Variants in GRID2 observed in about 807,000 individuals in gnomAD.
GRID2 encodes glutamate ionotropic receptor delta type subunit 2.
GRID2 carries 33 observed loss-of-function variants against 114.8 expected under a neutral mutation model. That is an observed-to-expected ratio of 0.29 (90% CI 0.22 to 0.38). The LOEUF (loss-of-function observed/expected upper bound fraction) is 0.38, where lower values mean the gene tolerates loss of function less well. Ranked by LOEUF, GRID2 falls within the 10% of genes least tolerant of loss-of-function variation. GRID2 has a pLI of 1.00. For synonymous variants in GRID2, 505 were observed against 449.9 expected, an observed-to-expected ratio of 1.12 and a Z score of -1.55; for missense variants, 1,184 against 1,257.7, an observed-to-expected ratio of 0.94 and a Z score of 0.89.
intron 2 of GRID2, among the ~76,000 whole-genome samples, chr4:92,961,137 C>T (rs529833375): frequency 1.4e-3 from 218 of 151,860 alleles, no homozygotes; most frequent in African/African-American, 4.1e-3. Context: ...TTCACATATA[C>T]GTAAGCATAC....
chr4:92,355,817 T>A (rs1170453297), intron 1 of GRID2, among the ~76,000 whole-genome samples: 1 of 151,862 alleles, frequency 6.6e-6, no homozygotes, highest in East Asian at 1.9e-4. Context: ...ATATCAGGTA[T>A]GTGACACAGA....
intron 8 of GRID2, among the ~76,000 whole-genome samples, chr4:93,369,412 C>T (rs1240225635): frequency 6.6e-6 from 1 of 152,118 alleles, no homozygotes; most frequent in African/African-American, 2.4e-5. Context: ...CGTTTGTTTC[C>T]AAATTTTAGG....
intron 4 of GRID2, among the ~76,000 whole-genome samples, chr4:93,115,583 C>G (rs1220815739): frequency 1.3e-5 from 2 of 151,884 alleles, no homozygotes; most frequent in African/African-American, 2.4e-5. Flanking sequence ...ATGTATTAGT[C>G]CATTCTCATG....
chr4:93,564,690 T>C (rs1735245609), intron 13 of GRID2, among the ~76,000 whole-genome samples: 1 of 152,072 alleles, frequency 6.6e-6, no homozygotes, highest in Non-Finnish European at 1.5e-5. Context: ...CACAGTTGTC[T>C]GGTTTGAAAA....
intron 1 of GRID2, among the ~76,000 whole-genome samples, chr4:92,450,488 T>C (rs1720842574): frequency 1.3e-5 from 2 of 152,172 alleles, no homozygotes; most frequent in African/African-American, 4.8e-5. Context: ...TAGACCAGTG[T>C]AAGTTCATTG....
chr4:93,658,778 G>A (rs780814012), intron 14 of GRID2, among the ~76,000 whole-genome samples: 5 of 152,152 alleles, frequency 3.3e-5, no homozygotes, highest in Non-Finnish European at 7.3e-5. Flanking sequence ...GAGGGTAAGA[G>A]CAATTTTAGA....
chr4:92,835,441 A>G (rs779301310), intron 2 of GRID2, among the ~76,000 whole-genome samples: 68 of 152,154 alleles, frequency 4.5e-4, no homozygotes, highest in Non-Finnish European at 8.5e-4. Flanking sequence ...TTATCTGTCT[A>G]TCTAGTACAG....
intron 2 of GRID2, among the ~76,000 whole-genome samples, chr4:92,848,753 G>C (rs1389560914): frequency 6.6e-6 from 1 of 151,870 alleles, no homozygotes; most frequent in Admixed American, 6.6e-5. Context: ...TTAAAGAGGA[G>C]ATTAAGTTTA....
At chr4:93,371,722 A>G (rs948850052) in intron 8 of GRID2, among the ~76,000 whole-genome samples, 7 of 146,894 alleles carry the variant, frequency 4.8e-5, no homozygotes, top group African/African-American at 1.5e-4. Context: ...GTATATTGGT[A>G]TATACATAAT....
intron 2 of GRID2, among the ~76,000 whole-genome samples, chr4:92,728,837 C>A (rs957693285): frequency 6.6e-6 from 1 of 151,374 alleles, no homozygotes; most frequent in Non-Finnish European, 1.5e-5. Context: ...ATTTATGCCA[C>A]GTGAAGATGA....
intron 13 of GRID2, among the ~76,000 whole-genome samples, chr4:93,545,173 C>T (rs1733087697): frequency 6.6e-6 from 1 of 152,242 alleles, no homozygotes; most frequent in East Asian, 1.9e-4. Context: ...AGCCTAAATT[C>T]AGGTGCAGAG....
At chr4:93,598,131 C>G (rs1406092533) in intron 13 of GRID2, among the ~76,000 whole-genome samples, 1 of 152,158 alleles carries the variant, frequency 6.6e-6, no homozygotes, top group Non-Finnish European at 1.5e-5. Context: ...GAAACTTAAG[C>G]TCGTTGAAGT....
At chr4:92,706,853 C>T (rs578019914) in intron 2 of GRID2, among the ~76,000 whole-genome samples, 3 of 152,038 alleles carry the variant, frequency 2.0e-5, no homozygotes, top group Non-Finnish European at 4.4e-5. Flanking sequence ...TAAAATGATG[C>T]TTTATTTTGT....
At chr4:92,986,004 C>CA (rs1327439619) in intron 2 of GRID2, among the ~76,000 whole-genome samples, 1 of 152,024 alleles carries the variant, frequency 6.6e-6, no homozygotes, top group African/African-American at 2.4e-5. Flanking sequence ...GAGCAGTTTT[C>CA]AAAAAATGAA....
chr4:92,398,725 A>G (rs1318226438), intron 1 of GRID2, among the ~76,000 whole-genome samples: 1 of 152,228 alleles, frequency 6.6e-6, no homozygotes, highest in Non-Finnish European at 1.5e-5. Context: ...GGAAGTAAGA[A>G]TTGGGCAGAT....
chr4:93,494,877 A>G (rs573585039), intron 12 of GRID2, among the ~76,000 whole-genome samples: 1 of 151,940 alleles, frequency 6.6e-6, no homozygotes, highest in South Asian at 2.1e-4. Flanking sequence ...GAAGCTTTGA[A>G]GGTACTTCAG....
intron 8 of GRID2, among the ~76,000 whole-genome samples, chr4:93,392,249 A>G (rs961849516): frequency 6.6e-6 from 1 of 152,174 alleles, no homozygotes; most frequent in African/African-American, 2.4e-5. Flanking sequence ...TAAAAAAAAC[A>G]GAAACAAAAT....
intron 13 of GRID2, among the ~76,000 whole-genome samples, chr4:93,521,060 G>A (rs1380870186): frequency 6.6e-6 from 1 of 152,086 alleles, no homozygotes; most frequent in African/African-American, 2.4e-5. Context: ...TTTGAAGGTA[G>A]CACTGACAAG....
intron 8 of GRID2, among the ~76,000 whole-genome samples, chr4:93,380,144 A>C (rs1218453046): frequency 6.6e-6 from 1 of 152,104 alleles, no homozygotes; most frequent in African/African-American, 2.4e-5. Flanking sequence ...TGAGATCGTT[A>C]TGGAATATCT....
Sources: allele counts gnomAD v4.1 joint callset (sites outside exome capture counted in the v4.1 genomes callset), GRCh38; gene constraint gnomAD v4.1.1; transcripts MANE v1.5; gene names NCBI Gene and HGNC (gene_info 2026-07-23, HGNC 2026-07-21).